Variants in ADCY3 observed in about 807,000 individuals in gnomAD.
The protein encoded by ADCY3 is adenylate cyclase type 3.
In ADCY3, 70 loss-of-function variants were observed where a neutral mutation model predicts 119.4. The observed-to-expected ratio is 0.59, with a 90% CI of 0.48 to 0.72. The LOEUF (loss-of-function observed/expected upper bound fraction) is 0.72. Among genes scored for constraint, ADCY3 ranks in the 30% least tolerant of loss-of-function variants. The probability of loss-of-function intolerance (pLI) is 0.00; values close to 1 mark genes in which losing one functional copy is unlikely to be tolerated. For missense variants in ADCY3, 1,238 were observed against 1,541.6 expected, an observed-to-expected ratio of 0.80 and a Z score of 3.30; for synonymous variants, 672 against 621.4, an observed-to-expected ratio of 1.08 and a Z score of -1.21.
At chr2:24,822,325 T>C (rs1667890204) in intron 19 of ADCY3, 186 bp downstream of exon 19, 2 of 806,778 alleles carry the variant, frequency 2.5e-6, no homozygotes, top group Admixed American at 2.6e-5. Flanking sequence ...GTGTGTCTGT[T>C]CTGTTTCTCT....
At chr2:24,824,085 C>CT (rs1212124532) in intron 17 of ADCY3, among the ~76,000 whole-genome samples, 1 of 152,260 alleles carries the variant, frequency 6.6e-6, no homozygotes, top group Non-Finnish European at 1.5e-5. Flanking sequence ...GGGAACCACT[C>CT]TGTTTGGAGA....
intron 6 of ADCY3, 132 bp from the exon 7 acceptor site, chr2:24,840,163 A>G (rs1405551409): frequency 8.0e-7 from 1 of 1,254,152 alleles, no homozygotes; most frequent in Non-Finnish European, 1.1e-6. Flanking sequence ...AGGTCCCCAC[A>G]GCTTGGTGTT....
At chr2:24,826,509 TG>T (rs1558406413) in intron 15 of ADCY3, 1 of 179,780 alleles carries the variant, frequency 5.6e-6, no homozygotes, top group Non-Finnish European at 1.2e-5. Context: ...AATCTCACCA[TG>T]GCTTTTTACC....
Position 24,918,419 on chromosome 2 carries a change from A to ATGGGGC in ADCY3, c.563_568dup (p.Ser188_Pro189dup). ...ACAGGAGACCACGGAGATGATCACGATGGGGCTGAGGCTGAGGGGCAGCGT... is the reference window on the plus strand; with the variant it reads ...ACAGGAGACCACGGAGATGATCACGATGGGGCTGGGGCTGAGGCTGAGGGGCAGCGT... On this transcript the variant is annotated inframe_insertion, in exon 2 of 22. Transcript: ENST00000679454. This position sits in a 1 kb window ranked among gnomAD's most constrained non-coding sequence, Gnocchi z 5.4. 1 of 1,613,962 alleles carries ATGGGGC rather than the reference A, an allele frequency of 6.2e-7. No individual in the cohort carries two copies.
rs1558538670 is a variant in ADCY3 at position 24,920,159 on chromosome 2, G to A, written c.-674C>T. 6.9e-6 allele frequency among the ~76,000 whole-genome samples: 1 copy of A among 145,658 alleles called. No homozygotes were observed. Among genetic ancestry groups the A allele is most frequent in the East Asian group, 2.0e-4 (1 of 4,950 alleles). On this transcript the variant is annotated 5_prime_UTR_variant, in exon 1 of 22. Transcript: ENST00000679454. The surrounding 1 kb of genome is among the most constrained non-coding windows in gnomAD (Gnocchi z 4.5). ...TCCTCTCGCCCGCCCGCGCCGAGCC[G>A]AGCCAGCCGAGTCCGGGCTCGGCGT...
At position 24,823,269 on chromosome 2, in the gene ADCY3, G is replaced by T; in HGVS notation, c.2823C>A (p.Ile941=). 6.2e-7 allele frequency: 1 copy of T among 1,613,582 alleles called. No individual in the cohort carries two copies. Among genetic ancestry groups the T allele is most frequent in the Non-Finnish European group, 8.5e-7 (1 of 1,179,936 alleles). ...NFADFYTEES[I]NNGGIECLRF... ...GCAGACACTCAATACCACCATTGTT[G>T]ATGCTCTCCTCTGTGTAGAAGTCAG... The change falls in exon 18 of 22, where the codon ATC becomes ATA. Residue 941 remains isoleucine, a synonymous_variant. Transcript: ENST00000679454.
At chr2:24,832,844 G>C (rs4665729) in intron 11 of ADCY3, among the ~76,000 whole-genome samples, 70,573 of 151,902 alleles carry the variant, frequency 0.46, 17,175 homozygotes, top group Admixed American at 0.61. Context: ...GCAAACTCCT[G>C]ATCTTTGCCT....
chr2:24,867,131 T>C (rs1222612428), intron 3 of ADCY3, among the ~76,000 whole-genome samples: 2 of 152,124 alleles, frequency 1.3e-5, no homozygotes, highest in African/African-American at 2.4e-5. Context: ...GTAAAACTGC[T>C]GAGAACCAAA....
chr2:24,837,653 G>GT (rs1670473827), intron 8 of ADCY3, among the ~76,000 whole-genome samples: 1 of 152,194 alleles, frequency 6.6e-6, no homozygotes, highest in African/African-American at 2.4e-5. Flanking sequence ...GGAGGAAAGG[G>GT]TTTTGACATG....
At chr2:24,827,853 G>T in intron 14 of ADCY3, 49 bp downstream of exon 14, 1 of 1,606,010 alleles carries the variant, frequency 6.2e-7, no homozygotes, top group Non-Finnish European at 8.5e-7. Context: ...AGGACTTTGC[G>T]GGCGGGAGGA....
chr2:24,855,964 G>A (rs1330311431), intron 3 of ADCY3, among the ~76,000 whole-genome samples: 1 of 152,214 alleles, frequency 6.6e-6, no homozygotes, highest in Non-Finnish European at 1.5e-5. Context: ...GAAGGGGGAG[G>A]CAGCCAGCAC....
chr2:24,911,389 G>A (rs1445640285), intron 2 of ADCY3, among the ~76,000 whole-genome samples: 1 of 151,372 alleles, frequency 6.6e-6, no homozygotes. Flanking sequence ...GTTCATGCCT[G>A]TAATCCCAGC....
At chr2:24,911,886 C>T (rs1041853736) in intron 2 of ADCY3, among the ~76,000 whole-genome samples, 6 of 152,126 alleles carry the variant, frequency 3.9e-5, no homozygotes, top group African/African-American at 1.4e-4. Flanking sequence ...GAAGGAACTC[C>T]AAAATCCTAC....
chr2:24,827,864 A>G, intron 14 of ADCY3, 38 bp downstream of exon 14: 1 of 1,609,136 alleles, frequency 6.2e-7, no homozygotes, highest in Non-Finnish European at 8.5e-7. Context: ...GGCGGGAGGA[A>G]GGAGACAATA....
intron 2 of ADCY3, among the ~76,000 whole-genome samples, chr2:24,916,621 G>A (rs943058473): frequency 6.6e-6 from 1 of 152,174 alleles, no homozygotes; most frequent in African/African-American, 2.4e-5. Context: ...GGCGGAGGTT[G>A]CAGTGAGCTG....
chr2:24,826,200 G>GA, intron 15 of ADCY3, 74 bp from the exon 16 acceptor site: 1 of 1,359,334 alleles, frequency 7.4e-7, no homozygotes, highest in Non-Finnish European at 1.0e-6. Context: ...CCTCCAACTA[G>GA]ATGGTGCTGC....
intron 3 of ADCY3, among the ~76,000 whole-genome samples, chr2:24,862,295 C>T (rs1180668409): frequency 6.6e-6 from 1 of 152,136 alleles, no homozygotes; most frequent in African/African-American, 2.4e-5. Context: ...GCCTGTAATC[C>T]CAGCACTTTG....
chr2:24,901,128 A>G (rs974867779), intron 2 of ADCY3, among the ~76,000 whole-genome samples: 1 of 152,168 alleles, frequency 6.6e-6, no homozygotes, highest in African/African-American at 2.4e-5. Flanking sequence ...GTCAGAGCCG[A>G]GCAGGAAGGG....
chr2:24,853,008 GTGTGTGTGTGTGT>G (rs1558455166), intron 3 of ADCY3, among the ~76,000 whole-genome samples: 2,319 of 87,560 alleles, frequency 0.026, 65 homozygotes, highest in East Asian at 0.067. Flanking sequence ...GCTGGAGGGT[GTGTGTGTGTGTGT>G]GTGTGTGTGT....
Sources: allele counts gnomAD v4.1 joint callset (sites outside exome capture counted in the v4.1 genomes callset), GRCh38; gene constraint gnomAD v4.1.1; non-coding constraint Gnocchi (gnomAD v3.1); transcripts MANE v1.5; gene names NCBI Gene and HGNC (gene_info 2026-07-23, HGNC 2026-07-21).